MTNR1A: variants seen among roughly 807,000 people sequenced by gnomAD.
The protein encoded by MTNR1A is melatonin receptor 1A.
A neutral mutation model predicts 5.5 loss-of-function variants in MTNR1A; 7 were observed. The observed-to-expected ratio is 1.28, with a 90% confidence interval of 0.73 to 2.40. MTNR1A has a LOEUF of 2.40. MTNR1A is among the 30% of genes most tolerant of loss of function. MTNR1A has a pLI of 0.00. For missense variants in MTNR1A, 441 were observed against 464.4 expected, an observed-to-expected ratio of 0.95 and a Z score of 0.46; for synonymous variants, 196 against 202.7, an observed-to-expected ratio of 0.97 and a Z score of 0.28.
chr4:186,534,091 GACCTGGAGA>G lies in MTNR1A; in HGVS notation c.642_650del (p.Leu215_Val217del). 1 of 1,614,160 alleles carries G rather than the reference GACCTGGAGA, an allele frequency of 6.2e-7. No individual in the cohort carries two copies. Among genetic ancestry groups the G allele is most frequent in the Non-Finnish European group, 8.5e-7 (1 of 1,180,032 alleles). ...TGCGGTCAGGTTTCACCCTCTGTCT[GACCTGGAGA>G]ACCAGGATCCATATTCTCAGGTAAC... On this transcript the variant is annotated inframe_deletion, in exon 2 of 2. Coordinates refer to ENST00000307161, the MANE Select transcript of MTNR1A (RefSeq NM_005958.4).
intron 1 of MTNR1A, among the ~76,000 whole-genome samples, chr4:186,535,047 C>T (rs1736814840): frequency 6.6e-6 from 1 of 152,152 alleles, no homozygotes; most frequent in African/African-American, 2.4e-5. Context: ...AGGGATCTGT[C>T]GTCAGCCGTC....
At chr4:186,540,805 ACTGAAGGACCAGGTGCTGT>A (rs1334971197) in intron 1 of MTNR1A, among the ~76,000 whole-genome samples, 60 of 126,610 alleles carry the variant, frequency 4.7e-4, no homozygotes, top group South Asian at 1.6e-3. Flanking sequence ...GTGCTGTCTG[ACTGAAGGACCAGGTGCTGT>A]CTGACTGAAG....
Position 186,544,595 on chromosome 4 carries a change from T to C in MTNR1A, c.185-10038A>G, listed in dbSNP as rs151111121. Among the ~76,000 whole-genome samples, 56 of 152,276 alleles carry C rather than the reference T, an allele frequency of 3.7e-4. 1 individual carries two copies. The East Asian group carries it at 9.5e-3, about 26-fold the overall frequency. On this transcript the variant is annotated intron_variant, in intron 1 of 1. Coordinates refer to ENST00000307161, the MANE Select transcript of MTNR1A (RefSeq NM_005958.4). ...CAAAGTGTGGACCCTGTGTCTGAAG[T>C]TTTCATGAACAATGAAAATGTGTAT...
chr4:186,553,804 G>A (rs1166716251), intron 1 of MTNR1A, among the ~76,000 whole-genome samples: 1 of 152,180 alleles, frequency 6.6e-6, no homozygotes, highest in African/African-American at 2.4e-5. Flanking sequence ...GAGCCATCGC[G>A]CCCAGCCGTG....
At chr4:186,540,175 C>A (rs1015551960) in intron 1 of MTNR1A, among the ~76,000 whole-genome samples, 3 of 152,142 alleles carry the variant, frequency 2.0e-5, no homozygotes, top group Admixed American at 1.3e-4. Flanking sequence ...GAAAGACCTG[C>A]CCCTGTGATT....
At chr4:186,535,576 T>C (rs1736826942) in intron 1 of MTNR1A, among the ~76,000 whole-genome samples, 2 of 151,914 alleles carry the variant, frequency 1.3e-5, no homozygotes, top group African/African-American at 4.8e-5. Flanking sequence ...CACACCCGGC[T>C]CGTTTTTGTA....
At chr4:186,553,701 C>CG (rs1381342297) in intron 1 of MTNR1A, among the ~76,000 whole-genome samples, 9 of 152,084 alleles carry the variant, frequency 5.9e-5, no homozygotes, top group African/African-American at 1.7e-4. Flanking sequence ...TTAGTAGAGA[C>CG]GGGGTTTCAC....
chr4:186,541,565 G>C (rs2111375558), intron 1 of MTNR1A, among the ~76,000 whole-genome samples: 1 of 152,296 alleles, frequency 6.6e-6, no homozygotes, highest in African/African-American at 2.4e-5. Context: ...TCCGTGACCT[G>C]TTAGGAACCA....
intron 1 of MTNR1A, among the ~76,000 whole-genome samples, chr4:186,552,437 G>T (rs1410088003): frequency 6.6e-6 from 1 of 152,174 alleles, no homozygotes; most frequent in Non-Finnish European, 1.5e-5. Flanking sequence ...AGGCAAGATA[G>T]TATTGTATTC....
At chr4:186,548,605 A>G (rs1200534072) in intron 1 of MTNR1A, among the ~76,000 whole-genome samples, 2 of 151,712 alleles carry the variant, frequency 1.3e-5, no homozygotes, top group African/African-American at 2.4e-5. Context: ...AGTCCTTACA[A>G]TATTAGTATT....
intron 1 of MTNR1A, among the ~76,000 whole-genome samples, chr4:186,543,735 G>T (rs1290324171): frequency 6.6e-6 from 1 of 152,208 alleles, no homozygotes; most frequent in African/African-American, 2.4e-5. Context: ...TACAAAGAGG[G>T]TTAATGTATT....
Position 186,553,267 on chromosome 4 carries a change from T to A in MTNR1A, c.184+1915A>T, listed in dbSNP as rs529166353. Among the ~76,000 whole-genome samples, 18 of 152,316 alleles carry A rather than the reference T, an allele frequency of 1.2e-4. No individual in the cohort carries two copies. The East Asian group carries it at 3.1e-3, about 26-fold the overall frequency. On this transcript the variant is annotated intron_variant, in intron 1 of 1. Coordinates refer to ENST00000307161, the MANE Select transcript of MTNR1A (RefSeq NM_005958.4). ...TATCACTGTTTCAAATTACCATCCA[T>A]TCCAGAAATCCTCAAATGGCTTGAA...
At chr4:186,537,853 C>T (rs1457525260) in intron 1 of MTNR1A, among the ~76,000 whole-genome samples, 3 of 152,206 alleles carry the variant, frequency 2.0e-5, no homozygotes, top group South Asian at 2.1e-4. Flanking sequence ...TGAACTAGAA[C>T]ATTCTAAAGA....
intron 1 of MTNR1A, among the ~76,000 whole-genome samples, chr4:186,538,711 C>T (rs1040087419): frequency 1.3e-5 from 2 of 152,178 alleles, no homozygotes; most frequent in African/African-American, 4.8e-5. Flanking sequence ...ACTGCTCTAG[C>T]AATTTTACTT....
intron 1 of MTNR1A, among the ~76,000 whole-genome samples, chr4:186,548,921 C>T (rs1244013019): frequency 6.8e-6 from 1 of 147,152 alleles, no homozygotes; most frequent in African/African-American, 2.5e-5. Flanking sequence ...CAGACATATA[C>T]ACAAATGAGA....
At position 186,533,775 on chromosome 4, in the gene MTNR1A, T is replaced by C. The variant is rs765173259; in HGVS notation, c.967A>G (p.Ser323Gly). 8 of 1,614,148 alleles carry C rather than the reference T, an allele frequency of 5.0e-6. No homozygotes were observed. The highest frequency in any genetic ancestry group is 4.0e-5 in the African/African-American group (3 of 74,952). The part of the protein sequence containing the change: ...LCTARVFFVD[S>G]SNDVADRVKW... The stretch of plus-strand genomic sequence containing the variant: ...ACCCTATCGGCCACGTCGTTAGAGC[T>C]GTCCACAAAGAACACCCTGGCTGTA... The change falls in exon 2 of 2, where the codon AGC becomes GGC. Residue 323 changes from serine to glycine, a missense_variant. Ser to Gly is a moderately conservative substitution (Grantham distance 56). Coordinates refer to ENST00000307161, the MANE Select transcript of MTNR1A (RefSeq NM_005958.4).
chr4:186,554,751 A>C (rs947750899), intron 1 of MTNR1A, among the ~76,000 whole-genome samples: 1 of 152,202 alleles, frequency 6.6e-6, no homozygotes, highest in African/African-American at 2.4e-5. Flanking sequence ...CAACAAGACC[A>C]CGGCGGCTGC....
At chr4:186,548,520 C>T (rs902862934) in intron 1 of MTNR1A, among the ~76,000 whole-genome samples, 6 of 151,816 alleles carry the variant, frequency 4.0e-5, no homozygotes, top group African/African-American at 1.2e-4. Flanking sequence ...TACTAACTAA[C>T]AAAAGGAATT....
At chr4:186,543,934 A>G (rs1737081738) in intron 1 of MTNR1A, among the ~76,000 whole-genome samples, 1 of 152,222 alleles carries the variant, frequency 6.6e-6, no homozygotes, top group African/African-American at 2.4e-5. Context: ...TGTTTTCTGC[A>G]TAATTATAGG....
Sources: allele counts gnomAD v4.1 joint callset (sites outside exome capture counted in the v4.1 genomes callset), GRCh38; gene constraint gnomAD v4.1.1; transcripts MANE v1.5; gene names NCBI Gene and HGNC (gene_info 2026-07-23, HGNC 2026-07-21).